Variants in ROS1 observed in about 807,000 individuals in gnomAD.
The protein encoded by ROS1 is proto-oncogene tyrosine-protein kinase ROS.
Under a neutral mutation model 273.5 loss-of-function variants are expected in ROS1, and 263 were observed. The observed-to-expected ratio is 0.96, with a 90% CI of 0.87 to 1.06. ROS1 has a LOEUF of 1.06. Among genes scored for constraint, ROS1 ranks in the 50% least tolerant of loss-of-function variants. The pLI, the probability that ROS1 is intolerant of heterozygous loss-of-function variation, is 0.00. For missense variants in ROS1, 2,833 were observed against 2,751.1 expected (o/e 1.03, Z -0.67); for synonymous variants, 1,008 against 954.1 (o/e 1.06, Z -1.04).
chr6:117,404,379 G>T lies in ROS1; in HGVS notation c.366C>A (p.His122Gln). 1.9e-6 allele frequency: 3 copies of T among 1,613,688 alleles called. No homozygotes were observed. Among genetic ancestry groups the T allele is most frequent in the Non-Finnish European group, 2.5e-6 (3 of 1,179,738 alleles). ...TAPFASSIGS[H>Q]NMTLRWKSAN... Reference sequence around the variant, plus strand: ...CAGATTTCCATCGTAATGTCATATTGTGGCTTCCAATGGAAGAAGCAAAGG... The same window carrying T: ...CAGATTTCCATCGTAATGTCATATTTTGGCTTCCAATGGAAGAAGCAAAGG... Residue 122 changes from histidine (H) to glutamine (Q), a missense_variant, in exon 6 of 44, where the codon CAC (histidine) becomes CAA (glutamine). Coordinates refer to ENST00000368507, the MANE Select transcript of ROS1 (RefSeq NM_001378902.1).
At chr6:117,371,717 C>T (rs541050151) in intron 18 of ROS1, among the ~76,000 whole-genome samples, 3 of 152,308 alleles carry the variant, frequency 2.0e-5, no homozygotes, top group East Asian at 3.9e-4. Flanking sequence ...TACTCACTGG[C>T]TGCATGGGAG....
chr6:117,295,455 A>C (rs1242867470), intron 43 of ROS1, among the ~76,000 whole-genome samples: 1 of 152,228 alleles, frequency 6.6e-6, no homozygotes, highest in Non-Finnish European at 1.5e-5. Context: ...AACACCCCAC[A>C]AGCACAGGCA....
At position 117,425,753 on chromosome 6, in the gene ROS1, C is replaced by G; in HGVS notation, c.-97G>C. On this transcript the variant is annotated 5_prime_UTR_variant, in exon 1 of 44. Transcript: ENST00000368507. ...TTCATCACTTCAATTGGAGGAGTAG[C>G]TGATGGATTTTGCTTTGTTTGTTTT... 1 of 1,341,956 alleles carries G rather than the reference C, an allele frequency of 7.5e-7. No homozygotes were observed. The highest frequency in any genetic ancestry group is 1.0e-6 in the Non-Finnish European group (1 of 960,346). 83.1% of individuals were successfully genotyped at this position (1,341,956 alleles called of 1,614,324 possible).
At chr6:117,339,168 C>A (rs1326985361) in intron 31 of ROS1, among the ~76,000 whole-genome samples, 2 of 152,066 alleles carry the variant, frequency 1.3e-5, no homozygotes, top group African/African-American at 2.4e-5. Context: ...GTAGCCCAAC[C>A]CAAATTCGTA....
At chr6:117,420,237 A>C (rs1409362913) in intron 1 of ROS1, among the ~76,000 whole-genome samples, 2 of 151,890 alleles carry the variant, frequency 1.3e-5, no homozygotes, top group Non-Finnish European at 2.9e-5. Flanking sequence ...CACATTTTTC[A>C]TTTTGAACAT....
intron 43 of ROS1, among the ~76,000 whole-genome samples, chr6:117,296,261 C>G (rs934330760): frequency 6.6e-6 from 1 of 151,916 alleles, no homozygotes; most frequent in Non-Finnish European, 1.5e-5. Context: ...ATTAGCCAGG[C>G]GTGGTGGCAC....
At chr6:117,305,541 A>T (rs558142751) in intron 42 of ROS1, among the ~76,000 whole-genome samples, 2 of 152,294 alleles carry the variant, frequency 1.3e-5, no homozygotes, top group East Asian at 3.9e-4. Context: ...TGACAAACAC[A>T]TTTGACCTGT....
In ROS1 at chr6:117,337,650, T is replaced by TA. The variant is rs370871679; in HGVS notation, c.5062-311dup. The stretch of plus-strand genomic sequence containing the variant: ...CTTGTTATCCCAAAGGGTAGATACC[T>TA]ACATTTAATCAGGATGGCTAAGAAT... On this transcript the variant is annotated intron_variant, in intron 31 of 43. Transcript: ENST00000368507. 3.9e-3 allele frequency among the ~76,000 whole-genome samples: 592 copies of TA among 152,244 alleles called. 1 individual carries two copies. The highest frequency in any genetic ancestry group is 0.013 in the African/African-American group (548 of 41,554).
intron 43 of ROS1, among the ~76,000 whole-genome samples, chr6:117,300,567 G>T (rs1774638992): frequency 6.6e-6 from 1 of 152,082 alleles, no homozygotes. Flanking sequence ...GGATAAAATG[G>T]CTAAACAAAC....
intron 14 of ROS1, 105 bp downstream of exon 14, chr6:117,387,675 A>T: frequency 8.7e-7 from 1 of 1,143,316 alleles, no homozygotes; most frequent in South Asian, 1.5e-5. Context: ...AGGTCAATAC[A>T]CCCTCATTCT....
chr6:117,348,084 T>C (rs143181500), intron 27 of ROS1, among the ~76,000 whole-genome samples: 31 of 152,156 alleles, frequency 2.0e-4, no homozygotes, highest in African/African-American at 6.5e-4. Flanking sequence ...AATTCTGGCC[T>C]AGAATAAACT....
chr6:117,362,696 T>A lies in ROS1; in HGVS notation c.3273A>T (p.Lys1091Asn). 6.2e-7 allele frequency: 1 copy of A among 1,613,574 alleles called. No individual in the cohort carries two copies. Among genetic ancestry groups the A allele is most frequent in the Non-Finnish European group, 8.5e-7 (1 of 1,179,596 alleles). The part of the protein sequence containing the change: ...YNISNQSITN[K>N]TCEDWIAVNV... ...TGACAGCAATCCAGTCTTCACATGT[T>A]TTGTTTGTAATACTTTGATTGGATA... Residue 1091 changes from lysine to asparagine, a missense_variant, in exon 22 of 44, where the codon AAA (lysine) becomes AAT (asparagine). By Grantham distance (94) the Lys-to-Asn change is moderately conservative. Transcript: ENST00000368507.
At chr6:117,328,743 G>T (rs746895323) in intron 33 of ROS1, 3 of 613,718 alleles carry the variant, frequency 4.9e-6, no homozygotes, top group South Asian at 4.2e-5. Flanking sequence ...TGGTTCACGT[G>T]CTCCCCGTAC....
chr6:117,288,903 T>G, intron 43 of ROS1, 101 bp from the exon 44 acceptor site: 1 of 930,446 alleles, frequency 1.1e-6, no homozygotes, highest in Non-Finnish European at 1.6e-6. Flanking sequence ...ACTTTACACA[T>G]TTGTTCAGCA....
At chr6:117,322,959 T>C (rs765032058) in intron 35 of ROS1, among the ~76,000 whole-genome samples, 12 of 152,168 alleles carry the variant, frequency 7.9e-5, no homozygotes, top group Middle Eastern at 3.2e-3. Context: ...GTTTAAACAA[T>C]GGTGATGTAC....
At chr6:117,409,544 T>G (rs752784988) in intron 5 of ROS1, 38 bp downstream of exon 5, 1 of 1,464,510 alleles carries the variant, frequency 6.8e-7, no homozygotes, top group Non-Finnish European at 9.6e-7. Flanking sequence ...ACTAGAGTGG[T>G]GCAGCCTATT....
At chr6:117,378,280 G>T (rs1285266886) in intron 18 of ROS1, among the ~76,000 whole-genome samples, 1 of 152,142 alleles carries the variant, frequency 6.6e-6, no homozygotes, top group African/African-American at 2.4e-5. Flanking sequence ...GACATGCATA[G>T]AATGGATACA....
In ROS1 at chr6:117,316,094, T is replaced by C. The variant is rs1368542945; in HGVS notation, c.6117+1049A>G. On this transcript the variant is annotated intron_variant, in intron 39 of 43. Coordinates refer to ENST00000368507, the MANE Select transcript of ROS1 (RefSeq NM_001378902.1). ...GAAGGATGGTTTATCTGCAAAATTG[T>C]GATAATTGTCAGAGGATGAGGCAAG... Among the ~76,000 whole-genome samples the C allele has an allele frequency of 2.6e-5, 4 of 152,226 alleles. No homozygotes were observed. The East Asian group carries it at 7.7e-4, about 29-fold the overall frequency.
chr6:117,336,554 T>G (rs1183571116), intron 32 of ROS1, among the ~76,000 whole-genome samples: 3 of 152,224 alleles, frequency 2.0e-5, no homozygotes, highest in Admixed American at 2.0e-4. Context: ...GTACCACATT[T>G]GCTTCAACCA....
Sources: gnomAD v4.1 joint callset for allele counts (sites outside exome capture counted in the v4.1 genomes callset) on GRCh38, gnomAD v4.1.1 for gene constraint, MANE v1.5 for transcripts, NCBI Gene and HGNC (gene_info 2026-07-23, HGNC 2026-07-21) for gene names.